LRP1B: variants seen among roughly 807,000 people sequenced by gnomAD.
The protein encoded by LRP1B is LDL receptor related protein 1B, also known as low-density lipoprotein receptor-related protein 1B.
In LRP1B, 217 loss-of-function variants were observed where a neutral mutation model predicts 556.6. The ratio of observed to expected loss-of-function variants is 0.39; its 90% CI spans 0.35 to 0.44. LRP1B has a LOEUF of 0.44. LRP1B is among the 20% of genes least tolerant of loss of function. The pLI is 1.00. For synonymous variants in LRP1B, 2,047 were observed against 1,865.8 expected (o/e 1.10, Z -2.50); for missense variants, 5,053 against 5,620.8 (o/e 0.90, Z 3.23).
chr2:140,290,954 C>T (rs546183804), intron 84 of LRP1B, among the ~76,000 whole-genome samples: 6 of 152,016 alleles, frequency 3.9e-5, no homozygotes, highest in African/African-American at 7.2e-5. Context: ...GGGAAAACTG[C>T]TTAATCTCAT....
At chr2:141,486,111 T>C (rs1559098834) in intron 2 of LRP1B, among the ~76,000 whole-genome samples, 1 of 152,108 alleles carries the variant, frequency 6.6e-6, no homozygotes, top group Non-Finnish European at 1.5e-5. Context: ...ACATTTCCAG[T>C]CCTTTAAATC....
chr2:141,813,583 A>AAAACAAAC (rs149436562), intron 1 of LRP1B, among the ~76,000 whole-genome samples: 2 of 149,118 alleles, frequency 1.3e-5, no homozygotes, highest in East Asian at 2.0e-4. Flanking sequence ...TTTTTTACTA[A>AAAACAAAC]AAACAAACAA....
At chr2:142,084,306 G>A (rs1284954431) in intron 1 of LRP1B, among the ~76,000 whole-genome samples, 3 of 151,934 alleles carry the variant, frequency 2.0e-5, no homozygotes, top group Non-Finnish European at 2.9e-5. Context: ...CATGATTCAC[G>A]CTGCCCTGTT....
chr2:141,280,419 C>T (rs940266717), intron 3 of LRP1B, among the ~76,000 whole-genome samples: 1 of 151,886 alleles, frequency 6.6e-6, no homozygotes, highest in Non-Finnish European at 1.5e-5. Flanking sequence ...TAATAGACTA[C>T]GTTAGAAACT....
Position 141,114,232 on chromosome 2 carries a change from C to A in LRP1B, c.1014-51959G>T, listed in dbSNP as rs555025606. 3.3e-5 allele frequency among the ~76,000 whole-genome samples: 5 copies of A among 152,294 alleles called. No homozygotes were observed. The South Asian group carries it at 1.0e-3, about 32-fold the overall frequency. ...CATGGTAGCGTCTAAGGGTGTGCTA[C>A]AATTAATGCTCTTTTAACAGTTGCC... is the stretch of plus-strand genomic sequence containing the variant. On this transcript the variant is annotated intron_variant, in intron 7 of 90. Coordinates refer to ENST00000389484, the MANE Select transcript of LRP1B (RefSeq NM_018557.3).
At chr2:141,680,036 T>C (rs1216874191) in intron 2 of LRP1B, among the ~76,000 whole-genome samples, 2 of 151,992 alleles carry the variant, frequency 1.3e-5, no homozygotes, top group African/African-American at 2.4e-5. Context: ...AAGTATTTCT[T>C]TGGGAGAAAA....
chr2:141,754,845 T>TA (rs1487545699), intron 2 of LRP1B, among the ~76,000 whole-genome samples: 2 of 152,168 alleles, frequency 1.3e-5, no homozygotes, highest in East Asian at 3.8e-4. Context: ...TGACAGATGA[T>TA]ATGATAAATA....
intron 66 of LRP1B, among the ~76,000 whole-genome samples, chr2:140,419,510 T>C (rs1353073050): frequency 6.6e-6 from 1 of 152,160 alleles, no homozygotes; most frequent in African/African-American, 2.4e-5. Context: ...ACTTTTCAAA[T>C]GCACATGGAA....
chr2:141,334,621 G>A (rs1687779736), intron 3 of LRP1B, among the ~76,000 whole-genome samples: 1 of 152,150 alleles, frequency 6.6e-6, no homozygotes, highest in South Asian at 2.1e-4. Flanking sequence ...GCACCATCTT[G>A]GCTCACTGCA....
At chr2:140,851,165 T>A (rs948288940) in intron 28 of LRP1B, among the ~76,000 whole-genome samples, 1 of 152,178 alleles carries the variant, frequency 6.6e-6, no homozygotes, top group African/African-American at 2.4e-5. Flanking sequence ...TTTAAATGTG[T>A]GGAGTTTTTT....
chr2:141,084,245 A>T (rs1699992788), intron 7 of LRP1B, among the ~76,000 whole-genome samples: 1 of 152,198 alleles, frequency 6.6e-6, no homozygotes, highest in Non-Finnish European at 1.5e-5. Flanking sequence ...GTCTAACTTT[A>T]AAAACATGTT....
chr2:141,202,884 C>T (rs1380467855), intron 6 of LRP1B, among the ~76,000 whole-genome samples: 2 of 152,044 alleles, frequency 1.3e-5, no homozygotes, highest in Admixed American at 6.6e-5. Flanking sequence ...CCCCTAACCC[C>T]CACCCCCCGA....
At chr2:141,047,662 C>T (rs1170554405) in intron 11 of LRP1B, among the ~76,000 whole-genome samples, 2 of 152,102 alleles carry the variant, frequency 1.3e-5, no homozygotes, top group Admixed American at 1.3e-4. Flanking sequence ...CCTTCACTTA[C>T]CTTCAAGGCC....
chr2:141,160,047 C>T (rs1238310425), intron 7 of LRP1B, among the ~76,000 whole-genome samples: 4 of 151,930 alleles, frequency 2.6e-5, no homozygotes, highest in Non-Finnish European at 4.4e-5. Flanking sequence ...GTGCAGCAAA[C>T]CACCATCAGT....
chr2:140,834,806 C>T (rs1439668205), intron 31 of LRP1B, among the ~76,000 whole-genome samples: 2 of 152,146 alleles, frequency 1.3e-5, no homozygotes, highest in Non-Finnish European at 2.9e-5. Context: ...AAATTTAACT[C>T]ATACTGTTAA....
intron 2 of LRP1B, among the ~76,000 whole-genome samples, chr2:141,485,868 G>A (rs1278152723): frequency 6.6e-6 from 1 of 152,102 alleles, no homozygotes; most frequent in Non-Finnish European, 1.5e-5. Context: ...CACAGCCAGA[G>A]ATTATAAATG....
At chr2:141,534,087 C>T (rs2105197039) in intron 2 of LRP1B, among the ~76,000 whole-genome samples, 1 of 152,168 alleles carries the variant, frequency 6.6e-6, no homozygotes, top group South Asian at 2.1e-4. Context: ...GGTTCTAAAA[C>T]ATTTTCTAAA....
At chr2:140,427,169 T>C (rs2105276164) in intron 66 of LRP1B, among the ~76,000 whole-genome samples, 1 of 152,290 alleles carries the variant, frequency 6.6e-6, no homozygotes, top group South Asian at 2.1e-4. Context: ...TGTTTAATCA[T>C]TGCGAGGACA....
At chr2:141,700,507 C>T (rs1211763401) in intron 2 of LRP1B, among the ~76,000 whole-genome samples, 1 of 151,738 alleles carries the variant, frequency 6.6e-6, no homozygotes, top group Non-Finnish European at 1.5e-5. Flanking sequence ...CTAATTTTTA[C>T]ATGTAACCCA....
Sources: allele counts gnomAD v4.1 joint callset (sites outside exome capture counted in the v4.1 genomes callset), GRCh38; gene constraint gnomAD v4.1.1; transcripts MANE v1.5; gene names NCBI Gene and HGNC (gene_info 2026-07-23, HGNC 2026-07-21).